PHKB: variants seen among roughly 807,000 people sequenced by gnomAD.
The protein encoded by PHKB is phosphorylase b kinase regulatory subunit beta.
Under a neutral mutation model 152.1 loss-of-function variants are expected in PHKB, and 122 were observed. That is an observed-to-expected ratio of 0.80 (90% CI 0.69 to 0.93). PHKB has a LOEUF of 0.93. Ranked by LOEUF, PHKB falls within the 40% of genes least tolerant of loss-of-function variation. The probability of loss-of-function intolerance (pLI) is 0.00; values close to 1 mark genes in which losing one functional copy is unlikely to be tolerated. For synonymous variants in PHKB, 436 were observed against 464.9 expected, an observed-to-expected ratio of 0.94 and a Z score of 0.80; for missense variants, 1,304 against 1,328.4, an observed-to-expected ratio of 0.98 and a Z score of 0.29.
At chr16:47,468,708 A>G (rs1239527382) in intron 1 of PHKB, among the ~76,000 whole-genome samples, 1 of 152,212 alleles carries the variant, frequency 6.6e-6, no homozygotes, top group East Asian at 1.9e-4. Context: ...CTTCCTTTGA[A>G]TGACAAAGTC....
chr16:47,648,551 A>T lies in PHKB; in HGVS notation c.1627A>T (p.Ile543Phe), dbSNP rs1973176431. The change falls in exon 17 of 31, where the codon ATC (isoleucine) becomes TTC (phenylalanine). Residue 543 changes from isoleucine (I) to phenylalanine (F), a missense_variant. Ile to Phe is a conservative substitution (Grantham distance 21). Transcript: ENST00000323584. The part of the protein sequence containing the change: ...ELVKAYLQLG[I>F]NEKLGLSGRP... ...CTTACAGGCTTATTTGCAGCTGGGTATCAATGAAAAGTTAGGACTCTCTGG... is the reference window on the plus strand; with the variant it reads ...CTTACAGGCTTATTTGCAGCTGGGTTTCAATGAAAAGTTAGGACTCTCTGG... 5 of 1,612,404 alleles carry T rather than the reference A, an allele frequency of 3.1e-6. No individual in the cohort carries two copies. The highest frequency in any genetic ancestry group is 2.2e-5 in the East Asian group (1 of 44,858).
chr16:47,669,314 G>A lies in PHKB; in HGVS notation c.2527G>A (p.Asp843Asn). 3 of 1,614,008 alleles carry A rather than the reference G, an allele frequency of 1.9e-6. No homozygotes were observed. Among genetic ancestry groups the A allele is most frequent in the Non-Finnish European group, 2.5e-6 (3 of 1,179,882 alleles). Reference sequence around the variant, plus strand: ...CATCTATTATAAGTGTAACACCCATGATGAGAGGGAAGCGGTCATTCAGCA... The same window carrying A: ...CATCTATTATAAGTGTAACACCCATAATGAGAGGGAAGCGGTCATTCAGCA... ...NIIYYKCNTH[D>N]EREAVIQQEL... Residue 843 changes from aspartate to asparagine, a missense_variant, in exon 26 of 31, where the codon GAT becomes AAT. Transcript: ENST00000323584.
chr16:47,585,562 A>AT (rs1398763079), intron 8 of PHKB, among the ~76,000 whole-genome samples: 1 of 152,122 alleles, frequency 6.6e-6, no homozygotes, highest in Non-Finnish European at 1.5e-5. Flanking sequence ...ACCTGGGGAG[A>AT]TTTTACCCTC....
intron 26 of PHKB, among the ~76,000 whole-genome samples, chr16:47,672,143 A>G (rs553640578): frequency 6.6e-6 from 1 of 152,300 alleles, no homozygotes; most frequent in East Asian, 1.9e-4. Context: ...CAACTACAGT[A>G]TATTTCAGTC....
intron 7 of PHKB, among the ~76,000 whole-genome samples, chr16:47,549,910 C>T (rs1312586049): frequency 6.6e-6 from 1 of 150,902 alleles, no homozygotes; most frequent in Non-Finnish European, 1.5e-5. Flanking sequence ...TTTTTTTTGC[C>T]ATCGTTTGCA....
At chr16:47,647,723 T>C (rs1973158994) in intron 16 of PHKB, among the ~76,000 whole-genome samples, 1 of 151,268 alleles carries the variant, frequency 6.6e-6, no homozygotes, top group Non-Finnish European at 1.5e-5. Context: ...GGTCTCGATC[T>C]CCTGACCTCG....
In PHKB at chr16:47,685,687, A is replaced by G. The variant is rs74397829; in HGVS notation, c.2631-3354A>G. Reference sequence around the variant, plus strand: ...GTTTTTATTTGAAGAATTCCAAGGTATAAAAAGATTAGTTTGACCAACAAT... The same window carrying G: ...GTTTTTATTTGAAGAATTCCAAGGTGTAAAAAGATTAGTTTGACCAACAAT... On this transcript the variant is annotated intron_variant, in intron 26 of 30. Coordinates refer to ENST00000323584, the MANE Select transcript of PHKB (RefSeq NM_000293.3). Among the ~76,000 whole-genome samples, 30 of 151,830 alleles carry G rather than the reference A, an allele frequency of 2.0e-4. No homozygotes were observed. In the East Asian group the frequency reaches 5.4e-3, roughly 27 times the overall value.
intron 6 of PHKB, among the ~76,000 whole-genome samples, chr16:47,540,085 A>G (rs1475494518): frequency 6.6e-6 from 1 of 152,182 alleles, no homozygotes; most frequent in Admixed American, 6.5e-5. Context: ...TTTTCCTAGC[A>G]AATAATATTA....
At chr16:47,646,324 G>A (rs1179182194) in intron 16 of PHKB, among the ~76,000 whole-genome samples, 1 of 100,198 alleles carries the variant, frequency 1.0e-5, no homozygotes, top group Non-Finnish European at 1.9e-5. Flanking sequence ...GGTGGGAATT[G>A]AACAATGAGA....
intron 4 of PHKB, among the ~76,000 whole-genome samples, chr16:47,506,128 C>G (rs1439647550): frequency 6.7e-6 from 1 of 148,776 alleles, no homozygotes; most frequent in Non-Finnish European, 1.5e-5. Context: ...CTGAGGCAGG[C>G]AGGTAATGAG....
chr16:47,475,015 C>T (rs915848100), intron 1 of PHKB, among the ~76,000 whole-genome samples: 4 of 152,158 alleles, frequency 2.6e-5, no homozygotes, highest in South Asian at 2.1e-4. Context: ...TGTGCCACTG[C>T]GCCTGGACTA....
In PHKB at chr16:47,565,883, A is replaced by T. The variant is rs878858239; in HGVS notation, c.711-14412A>T. 1.3e-5 allele frequency: 15 copies of T among 1,185,274 alleles called. No individual in the cohort carries two copies. The South Asian group carries it at 2.1e-4, about 17-fold the overall frequency. The allele number at this position is 1,185,274 out of a possible 1,614,324, so 73.4% of individuals were successfully genotyped here. Reference sequence around the variant, plus strand: ...TACTAGCAGAGGAATTATCTTCCTTAGGAGTACTCTGAGGCTTTAGATTCA... The same window carrying T: ...TACTAGCAGAGGAATTATCTTCCTTTGGAGTACTCTGAGGCTTTAGATTCA... On this transcript the variant is annotated intron_variant, in intron 7 of 30. Coordinates refer to ENST00000323584, the MANE Select transcript of PHKB (RefSeq NM_000293.3).
chr16:47,649,106 C>T lies in PHKB; in HGVS notation c.1699C>T (p.Arg567Cys), dbSNP rs771991962. The T allele has an allele frequency of 4.4e-6, 7 of 1,577,504 alleles. No homozygotes were observed. The highest frequency in any genetic ancestry group is 1.3e-5 in the African/African-American group (1 of 74,138). ...AAAACTTTTTCCCTTACAGATTTAT[C>T]GCATTCTAGGAAAGACTGTGGTTTG... ...IGCLGTSKIY[R>C]ILGKTVVCYP... The change falls in exon 18 of 31, where the codon CGC (arginine) becomes TGC (cysteine). Residue 567 changes from arginine to cysteine, a missense_variant. Arg to Cys is a radical substitution (Grantham distance 180). Coordinates refer to ENST00000323584, the MANE Select transcript of PHKB (RefSeq NM_000293.3).
intron 28 of PHKB, among the ~76,000 whole-genome samples, chr16:47,693,947 C>A (rs2142107567): frequency 6.6e-6 from 1 of 152,294 alleles, no homozygotes; most frequent in Non-Finnish European, 1.5e-5. Flanking sequence ...CCTTCACTAC[C>A]CCCAAGTGGT....
At chr16:47,545,479 C>T (rs1393390737) in intron 6 of PHKB, among the ~76,000 whole-genome samples, 4 of 152,216 alleles carry the variant, frequency 2.6e-5, no homozygotes, top group African/African-American at 9.7e-5. Flanking sequence ...GTCTGATGGG[C>T]TTCCCTTTGT....
chr16:47,631,155 C>T (rs1972818985), intron 14 of PHKB, among the ~76,000 whole-genome samples: 1 of 152,146 alleles, frequency 6.6e-6, no homozygotes, highest in Non-Finnish European at 1.5e-5. Context: ...CTCTCTCTTT[C>T]CTGTTTCTCT....
intron 13 of PHKB, among the ~76,000 whole-genome samples, chr16:47,602,048 T>C (rs968242361): frequency 6.6e-6 from 1 of 152,166 alleles, no homozygotes; most frequent in African/African-American, 2.4e-5. Flanking sequence ...GAAAATTTGC[T>C]TGAATCTCAC....
rs538800057 is a variant in PHKB, at chr16:47,464,368, A to G, written c.76+2942A>G. Among the ~76,000 whole-genome samples, 6 of 152,322 alleles carry G rather than the reference A, an allele frequency of 3.9e-5. No individual in the cohort carries two copies. The South Asian group carries it at 1.0e-3, about 26-fold the overall frequency. ...GGAAATTTTGGTCAACATCCCACTT[A>G]TCTGTTCTTCATCAGCTTACTGTGA... is the stretch of plus-strand genomic sequence containing the variant. On this transcript the variant is annotated intron_variant, in intron 1 of 30. Coordinates refer to ENST00000323584, the MANE Select transcript of PHKB (RefSeq NM_000293.3).
At chr16:47,564,137 T>C (rs1411267338) in intron 7 of PHKB, among the ~76,000 whole-genome samples, 2 of 152,034 alleles carry the variant, frequency 1.3e-5, no homozygotes, top group African/African-American at 2.4e-5. Flanking sequence ...GTGATAAATA[T>C]ACACATGCAG....
Sources: allele counts gnomAD v4.1 joint callset (sites outside exome capture counted in the v4.1 genomes callset), GRCh38; gene constraint gnomAD v4.1.1; transcripts MANE v1.5; gene names NCBI Gene and HGNC (gene_info 2026-07-23, HGNC 2026-07-21).